The following NAA35 variants were observed in gnomAD, a reference collection of about 807,000 sequenced individuals.
NAA35 encodes N-alpha-acetyltransferase 35, NatC auxiliary subunit.
Under a neutral mutation model 101.7 loss-of-function variants are expected in NAA35, and 18 were observed. That is an observed-to-expected ratio of 0.18 (90% confidence interval 0.12 to 0.26). The LOEUF (loss-of-function observed/expected upper bound fraction) is 0.26, where lower values mean the gene tolerates loss of function less well. NAA35 is among the 10% of genes least tolerant of loss of function. NAA35 has a pLI of 1.00. For missense variants in NAA35, 601 were observed against 886.8 expected, an observed-to-expected ratio of 0.68 and a Z score of 4.09; for synonymous variants, 267 against 273.1, an observed-to-expected ratio of 0.98 and a Z score of 0.22.
At chr9:85,964,161 G>T in intron 6 of NAA35, among the ~76,000 whole-genome samples, 2 of 149,636 alleles carry the variant, frequency 1.3e-5, no homozygotes, top group African/African-American at 2.5e-5. Context: ...CTTCTTATTG[G>T]GGAATAATTT....
intron 11 of NAA35, 30 bp from the exon 12 acceptor site, chr9:85,996,369 A>G (rs1831157716): frequency 2.6e-6 from 4 of 1,510,354 alleles, no homozygotes; most frequent in Non-Finnish European, 3.6e-6. Context: ...GAAAAGTTGA[A>G]AAATTTTACT....
At position 86,025,105 on chromosome 9, in the gene NAA35, G is replaced by A. The variant is rs1313669049; in HGVS notation, c.*3145G>A. On this transcript the variant is annotated 3_prime_UTR_variant, in exon 23 of 23. Transcript: ENST00000361671. The stretch of plus-strand genomic sequence containing the variant: ...GACAGTATACTGCCTTAAATAAAGT[G>A]CACCCTGTTTGGAAAAGTTCAGGAG... 6.6e-6 allele frequency among the ~76,000 whole-genome samples: 1 copy of A among 152,186 alleles called. No individual in the cohort carries two copies. The highest frequency in any genetic ancestry group is 2.4e-5 in the African/African-American group (1 of 41,454).
intron 11 of NAA35, among the ~76,000 whole-genome samples, chr9:85,978,906 A>T (rs1830322525): frequency 6.6e-6 from 1 of 152,198 alleles, no homozygotes; most frequent in Admixed American, 6.5e-5. Flanking sequence ...GGCCTACACC[A>T]GGAATAAGCA....
At chr9:86,017,034 G>A (rs904529299) in intron 18 of NAA35, among the ~76,000 whole-genome samples, 5 of 152,236 alleles carry the variant, frequency 3.3e-5, no homozygotes, top group East Asian at 1.9e-4. Context: ...AGCGGGCACC[G>A]AAAGGTGGTT....
At chr9:85,986,587 C>A in intron 11 of NAA35, 1 of 300,968 alleles carries the variant, frequency 3.3e-6, no homozygotes, top group Admixed American at 4.9e-5. Flanking sequence ...CAGAGGTGTC[C>A]AATCTTTTTT....
Position 85,958,594 on chromosome 9 carries a change from C to A in NAA35, c.273+8C>A. The A allele has an allele frequency of 1.3e-6, 2 of 1,562,866 alleles. No homozygotes were observed. Among genetic ancestry groups the A allele is most frequent in the Non-Finnish European group, 1.7e-6 (2 of 1,143,828 alleles). ...TTTGAACAAGCTATCAAGGTAGTTA[C>A]CATTGTACTTTTTGTGTTTCCATTT... On this transcript the variant is annotated splice_region_variant and intron_variant, in intron 4 of 22. Coordinates refer to ENST00000361671, the MANE Select transcript of NAA35 (RefSeq NM_024635.4).
intron 11 of NAA35, among the ~76,000 whole-genome samples, chr9:85,984,352 C>G (rs1391714523): frequency 6.6e-6 from 1 of 152,026 alleles, no homozygotes; most frequent in African/African-American, 2.4e-5. Context: ...AACAAACAAA[C>G]AAACATGTAA....
chr9:86,008,457 C>T (rs1831748441), intron 14 of NAA35, among the ~76,000 whole-genome samples: 1 of 152,168 alleles, frequency 6.6e-6, no homozygotes, highest in South Asian at 2.1e-4. Flanking sequence ...ACTATTGGGT[C>T]ATGAGTTTGA....
rs1832364452 is a variant in NAA35 at position 86,018,782 on chromosome 9, A to G, written c.1998A>G (p.Ala666=). The part of the protein sequence containing the change: ...YVAASKHFQQ[A]KMILENIPNP... ...CAGCTAGTAAGCACTTTCAACAGGC[A>G]AAAATGATATTGGAAAATATTCCTA... The change falls in exon 21 of 23, where the codon GCA becomes GCG. Residue 666 remains alanine (A), a synonymous_variant. Transcript: ENST00000361671. The G allele has an allele frequency of 3.1e-6, 5 of 1,614,100 alleles. No homozygotes were observed. The East Asian group carries it at 1.1e-4, about 36-fold the overall frequency.
At chr9:85,963,007 A>G (rs919712144) in intron 6 of NAA35, among the ~76,000 whole-genome samples, 4 of 152,164 alleles carry the variant, frequency 2.6e-5, no homozygotes, top group African/African-American at 9.7e-5. Context: ...AGGGAATTGC[A>G]TCTCAACCTA....
rs953922598 is a variant in NAA35 at position 85,974,854 on chromosome 9, CTTTG to C, written c.517-109_517-106del. 8.1e-6 allele frequency: 6 copies of C among 742,850 alleles called. No individual in the cohort carries two copies. In the African/African-American group the frequency reaches 1.1e-4, roughly 13 times the overall value. The allele number at this position is 742,850 out of a possible 1,614,324, so 46.0% of individuals were successfully genotyped here. The stretch of plus-strand genomic sequence containing the variant: ...ACAAGCAGGATGACCTCCCATTTCT[CTTTG>C]TTTATTAAATAGTGATTTTGTAAGA... On this transcript the variant is annotated intron_variant, in intron 6 of 22. Transcript: ENST00000361671.
chr9:85,971,019 C>T (rs1430487546), intron 6 of NAA35, among the ~76,000 whole-genome samples: 4 of 152,200 alleles, frequency 2.6e-5, no homozygotes, highest in African/African-American at 9.7e-5. Flanking sequence ...AGCTCCTCCA[C>T]TTGTGTTGCA....
chr9:85,980,276 A>G (rs1830382477), intron 11 of NAA35, among the ~76,000 whole-genome samples: 1 of 152,156 alleles, frequency 6.6e-6, no homozygotes. Flanking sequence ...AAGTTTCCTT[A>G]CATAGGCATG....
intron 6 of NAA35, among the ~76,000 whole-genome samples, chr9:85,970,221 G>A (rs910830733): frequency 6.6e-6 from 1 of 152,054 alleles, no homozygotes; most frequent in African/African-American, 2.4e-5. Context: ...AGTGGCCATG[G>A]GTGAAAATAA....
chr9:85,961,707 C>A (rs1377116422), intron 5 of NAA35, among the ~76,000 whole-genome samples: 1 of 152,002 alleles, frequency 6.6e-6, no homozygotes, highest in African/African-American at 2.4e-5. Context: ...TGTGAATTTT[C>A]CAGTTTATGG....
At chr9:85,953,888 T>C (rs1437447513) in intron 2 of NAA35, among the ~76,000 whole-genome samples, 1 of 152,222 alleles carries the variant, frequency 6.6e-6, no homozygotes, top group African/African-American at 2.4e-5. Context: ...CTGAATAATA[T>C]TCCATTGTAT....
Position 86,022,441 on chromosome 9 carries a change from G to T in NAA35, c.*481G>T, listed in dbSNP as rs1275218091. The T allele has an allele frequency of 6.6e-6, 1 of 152,528 alleles. No homozygotes were observed. Among genetic ancestry groups the T allele is most frequent in the Admixed American group, 6.5e-5 (1 of 15,284 alleles). The allele number at this position is 152,528 out of a possible 1,614,324, so 9.4% of individuals were successfully genotyped here. A position where few individuals can be genotyped will look rare whatever the true frequency, so the allele number is the denominator to read the frequency against. On this transcript the variant is annotated 3_prime_UTR_variant, in exon 23 of 23. Transcript: ENST00000361671. ...AGGGATTAATTAAACACTTGTATGA[G>T]ATTTTGGTAAAATACATTTAGAAGG...
rs77860408 is a variant in NAA35 at position 85,974,271 on chromosome 9, T to G, written c.517-696T>G. ...ACCATGCCCAGCCCCTAGCTATGTT[T>G]TTATAGGAATTATAGTAGGCAGAAA... On this transcript the variant is annotated intron_variant, in intron 6 of 22. Transcript: ENST00000361671. Among the ~76,000 whole-genome samples, 569 of 152,310 alleles carry G rather than the reference T, an allele frequency of 3.7e-3. 1 individual carries two copies. Among genetic ancestry groups the G allele is most frequent in the East Asian group, 0.026 (134 of 5,176 alleles).
intron 11 of NAA35, among the ~76,000 whole-genome samples, chr9:85,979,219 T>C (rs529017259): frequency 2.6e-5 from 4 of 152,298 alleles, no homozygotes; most frequent in Non-Finnish European, 5.9e-5. Context: ...ACAGGATCAT[T>C]TATAACCTGA....
Sources: allele counts gnomAD v4.1 joint callset (sites outside exome capture counted in the v4.1 genomes callset), GRCh38; gene constraint gnomAD v4.1.1; transcripts MANE v1.5; gene names NCBI Gene and HGNC (gene_info 2026-07-23, HGNC 2026-07-21).